The following RTN1 variants were observed in gnomAD, a reference collection of about 807,000 sequenced individuals.
The protein encoded by RTN1 is reticulon 1, also known as reticulon-1.
Under a neutral mutation model 65.5 loss-of-function variants are expected in RTN1, and 25 were observed. That is an observed-to-expected ratio of 0.38 (90% CI 0.28 to 0.53). The LOEUF is 0.53. Ranked by LOEUF, RTN1 falls within the 20% of genes least tolerant of loss-of-function variation. The pLI, the probability that RTN1 is intolerant of heterozygous loss-of-function variation, is 0.79. For missense variants in RTN1, 983 were observed against 1,025.4 expected (o/e 0.96, Z 0.57); for synonymous variants, 471 against 447.6 (o/e 1.05, Z -0.66).
At chr14:59,869,984 G>A (rs1309849517) in intron 1 of RTN1, among the ~76,000 whole-genome samples, 1 of 152,090 alleles carries the variant, frequency 6.6e-6, no homozygotes, top group Non-Finnish European at 1.5e-5. Flanking sequence ...TCCTGTAGCC[G>A]GCGCGCACAC....
At chr14:59,773,999 A>C (rs890021762) in intron 1 of RTN1, among the ~76,000 whole-genome samples, 1 of 152,174 alleles carries the variant, frequency 6.6e-6, no homozygotes, top group Non-Finnish European at 1.5e-5. Context: ...ATTAGAGTTT[A>C]TTATTTATCC....
chr14:59,630,707 C>T, intron 3 of RTN1: 1 of 1,142,234 alleles, frequency 8.8e-7, no homozygotes, highest in Non-Finnish European at 1.1e-6. Flanking sequence ...ATCAGCGCGG[C>T]GCGGCCCCGG....
At chr14:59,838,292 G>A (rs1957308) in intron 1 of RTN1, among the ~76,000 whole-genome samples, 9 of 152,256 alleles carry the variant, frequency 5.9e-5, no homozygotes, top group East Asian at 5.8e-4. Context: ...CAACCTTTCC[G>A]AAAGGACATT....
At chr14:59,710,509 C>G (rs1371770812) in intron 3 of RTN1, among the ~76,000 whole-genome samples, 1 of 152,222 alleles carries the variant, frequency 6.6e-6, no homozygotes, top group Non-Finnish European at 1.5e-5. Flanking sequence ...GAGGCTTGAG[C>G]TAAATGTTGA....
chr14:59,715,988 A>G (rs906077340), intron 3 of RTN1, among the ~76,000 whole-genome samples: 1 of 152,252 alleles, frequency 6.6e-6, no homozygotes, highest in African/African-American at 2.4e-5. Flanking sequence ...TATGTAAAAA[A>G]GATTCAAGTA....
intron 3 of RTN1, among the ~76,000 whole-genome samples, chr14:59,639,486 G>T (rs1882731942): frequency 6.6e-6 from 1 of 152,180 alleles, no homozygotes; most frequent in African/African-American, 2.4e-5. Flanking sequence ...GAATAAAAAT[G>T]GGTTTATTTT....
chr14:59,774,935 G>A lies in RTN1; in HGVS notation c.242-28454C>T. Among the ~76,000 whole-genome samples the A allele has an allele frequency of 6.6e-6, 1 of 152,174 alleles. No individual in the cohort carries two copies. The highest frequency in any genetic ancestry group is 1.9e-4 in the East Asian group (1 of 5,198). ...TGCTTGACTGAATTAACATTTCAGGGGAAAACTGTTGCAATAACAGACAGA... is the reference window on the plus strand; with the variant it reads ...TGCTTGACTGAATTAACATTTCAGGAGAAAACTGTTGCAATAACAGACAGA... On this transcript the variant is annotated intron_variant, in intron 1 of 8. Transcript: ENST00000267484. This position sits in a 1 kb window ranked among gnomAD's most constrained non-coding sequence, Gnocchi z 5.1.
At chr14:59,647,440 C>G (rs1054838927) in intron 3 of RTN1, among the ~76,000 whole-genome samples, 5 of 152,080 alleles carry the variant, frequency 3.3e-5, no homozygotes, top group Non-Finnish European at 5.9e-5. Flanking sequence ...CAACACTGGA[C>G]CAAATGGATC....
intron 1 of RTN1, among the ~76,000 whole-genome samples, chr14:59,783,345 T>C (rs1255186251): frequency 6.6e-6 from 1 of 152,116 alleles, no homozygotes; most frequent in Non-Finnish European, 1.5e-5. Flanking sequence ...GGTTATACCT[T>C]ATGAGAAAAG....
At chr14:59,863,279 A>G (rs541125361) in intron 1 of RTN1, among the ~76,000 whole-genome samples, 1 of 152,244 alleles carries the variant, frequency 6.6e-6, no homozygotes, top group Non-Finnish European at 1.5e-5. Context: ...CCTTTATAAC[A>G]AAACTCCCCC....
chr14:59,826,321 C>A (rs960582755), intron 1 of RTN1, among the ~76,000 whole-genome samples: 2 of 152,206 alleles, frequency 1.3e-5, no homozygotes. Context: ...TAGACTATAT[C>A]TCATTATGTA....
At chr14:59,828,521 T>C (rs557542460) in intron 1 of RTN1, among the ~76,000 whole-genome samples, 1 of 152,226 alleles carries the variant, frequency 6.6e-6, no homozygotes, top group African/African-American at 2.4e-5. Flanking sequence ...TGAGCTGGTA[T>C]TATGGGGCCC....
intron 1 of RTN1, among the ~76,000 whole-genome samples, chr14:59,818,962 A>G (rs1886872398): frequency 1.3e-5 from 2 of 152,182 alleles, no homozygotes; most frequent in African/African-American, 4.8e-5. Flanking sequence ...TCTTAAAGGC[A>G]GCGCGTCTGG....
intron 8 of RTN1, among the ~76,000 whole-genome samples, chr14:59,597,184 T>C (rs1349295850): frequency 2.6e-5 from 4 of 152,214 alleles, no homozygotes; most frequent in Admixed American, 2.0e-4. Flanking sequence ...GGGATGGTTA[T>C]ATAACTAGGG....
intron 3 of RTN1, among the ~76,000 whole-genome samples, chr14:59,613,701 T>A (rs1882024104): frequency 6.6e-6 from 1 of 152,160 alleles, no homozygotes. Flanking sequence ...TTCTCCATTT[T>A]TTTGCCTTGT....
intron 1 of RTN1, among the ~76,000 whole-genome samples, chr14:59,796,570 C>A (rs1350226648): frequency 6.6e-6 from 1 of 152,190 alleles, no homozygotes; most frequent in East Asian, 1.9e-4. Context: ...TACCCTTTTA[C>A]ATCAATACTT....
intron 3 of RTN1, 188 bp from the exon 4 acceptor site, chr14:59,607,680 CT>C: frequency 1.7e-6 from 1 of 605,964 alleles, no homozygotes. Context: ...TTGGAAGAAT[CT>C]TTTCCACCCT....
chr14:59,736,699 C>G (rs941240903), intron 2 of RTN1, among the ~76,000 whole-genome samples: 1 of 152,160 alleles, frequency 6.6e-6, no homozygotes, highest in East Asian at 1.9e-4. Context: ...CATCCTGATA[C>G]CAAAACCTGG....
intron 2 of RTN1, among the ~76,000 whole-genome samples, chr14:59,745,027 G>C (rs919182675): frequency 2.2e-4 from 33 of 152,168 alleles, no homozygotes; most frequent in Non-Finnish European, 4.4e-5. Context: ...CCCACTCATG[G>C]ATTAATGGAT....
Sources: gnomAD v4.1 joint callset for allele counts (sites outside exome capture counted in the v4.1 genomes callset) on GRCh38, gnomAD v4.1.1 for gene constraint, Gnocchi (gnomAD v3.1) non-coding constraint, MANE v1.5 for transcripts, NCBI Gene and HGNC (gene_info 2026-07-23, HGNC 2026-07-21) for gene names.